TNFRSF10C: variants seen among roughly 807,000 people sequenced by gnomAD.
The protein encoded by TNFRSF10C is tumor necrosis factor receptor superfamily member 10C.
Under a neutral mutation model 16.7 loss-of-function variants are expected in TNFRSF10C, and 17 were observed. The ratio of observed to expected loss-of-function variants is 1.02; its 90% CI spans 0.70 to 1.53. TNFRSF10C has a LOEUF of 1.53. TNFRSF10C is among the 40% of genes most tolerant of loss of function. TNFRSF10C has a pLI of 0.00. For missense variants in TNFRSF10C, 237 were observed against 329.7 expected (o/e 0.72, Z 2.18); for synonymous variants, 73 against 119.7 (o/e 0.61, Z 2.55).
In TNFRSF10C at chr8:23,103,116, C is replaced by T; in HGVS notation, c.-6C>T. On this transcript the variant is annotated 5_prime_UTR_variant, in exon 1 of 5. Transcript: ENST00000356864. ...CAGGACCCAGGACGGCGTCGGGAAC[C>T]ATACCATGGCCCGGATCCCCAAGAC... 1 of 1,611,046 alleles carries T rather than the reference C, an allele frequency of 6.2e-7. No individual in the cohort carries two copies. Among genetic ancestry groups the T allele is most frequent in the Non-Finnish European group, 8.5e-7 (1 of 1,178,940 alleles).
At chr8:23,105,025 C>T (rs1813749812) in intron 1 of TNFRSF10C, among the ~76,000 whole-genome samples, 1 of 152,188 alleles carries the variant, frequency 6.6e-6, no homozygotes, top group Admixed American at 6.5e-5. Context: ...CTGGCTCTGT[C>T]AATGCTGGGC....
chr8:23,116,348 G>A (rs1236600718), intron 4 of TNFRSF10C, among the ~76,000 whole-genome samples: 1 of 152,208 alleles, frequency 6.6e-6, no homozygotes, highest in African/African-American at 2.4e-5. Flanking sequence ...ACCTTCCCCT[G>A]GAGTGTGGCT....
intron 1 of TNFRSF10C, among the ~76,000 whole-genome samples, chr8:23,105,236 TGAAGA>T (rs1178110547): frequency 6.6e-6 from 1 of 152,128 alleles, no homozygotes; most frequent in Non-Finnish European, 1.5e-5. Context: ...GCCTGTAAAG[TGAAGA>T]GGAGGTAAAA....
Position 23,102,945 on chromosome 8 carries a change from C to A in TNFRSF10C, c.-177C>A. 4 of 1,495,838 alleles carry A rather than the reference C, an allele frequency of 2.7e-6. No individual in the cohort carries two copies. Among genetic ancestry groups the A allele is most frequent in the African/African-American group, 2.8e-5 (2 of 71,548 alleles). The allele number at this position is 1,495,838 out of a possible 1,614,324, so 92.7% of individuals were successfully genotyped here. ...TGGCAGTGCAGCTGTGGGAACCTCT[C>A]CACGCGCACGAACTCAGCCAACGAT... On this transcript the variant is annotated 5_prime_UTR_variant, in exon 1 of 5. Transcript: ENST00000356864.
intron 1 of TNFRSF10C, among the ~76,000 whole-genome samples, chr8:23,104,201 T>C (rs1813727495): frequency 6.6e-6 from 1 of 152,244 alleles, no homozygotes. Context: ...AACATCAGTT[T>C]CACGGTTTTG....
chr8:23,115,011 A>G (rs1813950741), intron 3 of TNFRSF10C, among the ~76,000 whole-genome samples: 1 of 152,214 alleles, frequency 6.6e-6, no homozygotes, highest in Non-Finnish European at 1.5e-5. Flanking sequence ...ATTAGAGCAT[A>G]GAGAAGGCCT....
In TNFRSF10C at chr8:23,115,576, C is replaced by A. The variant is rs762380926; in HGVS notation, c.349C>A (p.Arg117=). The A allele has an allele frequency of 1.2e-6, 2 of 1,613,650 alleles. No individual in the cohort carries two copies. Among genetic ancestry groups the A allele is most frequent in the Non-Finnish European group, 1.7e-6 (2 of 1,179,808 alleles). The change falls in exon 4 of 5, where the codon CGG becomes AGG. Residue 117 remains arginine (R), a synonymous_variant. Coordinates refer to ENST00000356864, the MANE Select transcript of TNFRSF10C (RefSeq NM_003841.5). ...TVCQCKEGTF[R]NENSPEMCRK... is the part of the protein sequence containing the mutation. ...GTGTCAGTGTAAAGAAGGCACCTTCCGGAATGAAAACTCCCCAGAGATGTG... is the reference window on the plus strand; with the variant it reads ...GTGTCAGTGTAAAGAAGGCACCTTCAGGAATGAAAACTCCCCAGAGATGTG...
At chr8:23,106,391 G>A (rs1482669432) in intron 1 of TNFRSF10C, among the ~76,000 whole-genome samples, 1 of 152,002 alleles carries the variant, frequency 6.6e-6, no homozygotes, top group Non-Finnish European at 1.5e-5. Context: ...GGGTCAGGGA[G>A]GGGAGCGAAG....
At chr8:23,106,929 GAAA>G (rs34115251) in intron 1 of TNFRSF10C, among the ~76,000 whole-genome samples, 1 of 144,176 alleles carries the variant, frequency 6.9e-6, no homozygotes, top group Non-Finnish European at 1.5e-5. Context: ...AGAGCTTTCA[GAAA>G]AAAAAAAAAA....
intron 2 of TNFRSF10C, among the ~76,000 whole-genome samples, chr8:23,113,984 CATA>C (rs1375981311): frequency 1.3e-5 from 2 of 150,442 alleles, no homozygotes; most frequent in South Asian, 4.2e-4. Flanking sequence ...CATGAATATA[CATA>C]ACAGTCAGGA....
At chr8:23,105,283 G>A (rs1171669775) in intron 1 of TNFRSF10C, among the ~76,000 whole-genome samples, 2 of 152,324 alleles carry the variant, frequency 1.3e-5, no homozygotes, top group South Asian at 4.1e-4. Flanking sequence ...ACCTCAGAGG[G>A]CTGTGTTACC....
intron 4 of TNFRSF10C, 110 bp downstream of exon 4, chr8:23,115,726 G>T: frequency 1.2e-6 from 1 of 805,480 alleles, no homozygotes; most frequent in Non-Finnish European, 1.9e-6. Flanking sequence ...GACCCATGGG[G>T]TGTCCCTGAG....
intron 1 of TNFRSF10C, chr8:23,103,570 G>C (rs564714227): frequency 8.1e-6 from 2 of 246,310 alleles, no homozygotes; most frequent in Non-Finnish European, 1.6e-5. Context: ...GTGTTCCTTG[G>C]AGATCGGTTT....
intron 1 of TNFRSF10C, among the ~76,000 whole-genome samples, chr8:23,106,923 C>G (rs572372428): frequency 2.8e-4 from 38 of 134,758 alleles, no homozygotes; most frequent in African/African-American, 9.5e-4. Context: ...GGAAGCAGAG[C>G]TTTCAGAAAA....
intron 1 of TNFRSF10C, chr8:23,103,540 C>G (rs1047857752): frequency 2.9e-6 from 1 of 346,356 alleles, no homozygotes; most frequent in African/African-American, 2.1e-5. Flanking sequence ...AAAATTAACC[C>G]CATGTTTACA....
intron 1 of TNFRSF10C, chr8:23,103,595 GAA>G (rs1193490642): frequency 4.9e-6 from 1 of 202,440 alleles, no homozygotes; most frequent in East Asian, 1.5e-4. Flanking sequence ...AACAGCCAGT[GAA>G]AAAACTTTTC....
At chr8:23,113,407 C>A (rs747805547) in intron 2 of TNFRSF10C, among the ~76,000 whole-genome samples, 3 of 152,124 alleles carry the variant, frequency 2.0e-5, no homozygotes, top group Non-Finnish European at 4.4e-5. Flanking sequence ...CCTATGTATT[C>A]TTGTGGTAGT....
chr8:23,104,254 C>CCAT (rs1338478131), intron 1 of TNFRSF10C, among the ~76,000 whole-genome samples: 4 of 152,206 alleles, frequency 2.6e-5, no homozygotes, highest in African/African-American at 9.7e-5. Flanking sequence ...TTTAATCCCT[C>CCAT]CATCAGTCTT....
intron 2 of TNFRSF10C, among the ~76,000 whole-genome samples, chr8:23,112,554 T>C (rs118099793): frequency 1.3e-5 from 2 of 152,364 alleles, no homozygotes; most frequent in East Asian, 3.9e-4. Flanking sequence ...TCCACATATG[T>C]GAGATCATGA....
Sources: allele counts gnomAD v4.1 joint callset (sites outside exome capture counted in the v4.1 genomes callset), GRCh38; gene constraint gnomAD v4.1.1; transcripts MANE v1.5; gene names NCBI Gene and HGNC (gene_info 2026-07-23, HGNC 2026-07-21).